Variants in ATP2C1 observed in about 807,000 individuals in gnomAD.
ATP2C1 encodes the protein ATPase secretory pathway Ca2+ transporting 1.
Under a neutral mutation model 120.5 loss-of-function variants are expected in ATP2C1, and 31 were observed. That is an observed-to-expected ratio of 0.26 (90% CI 0.19 to 0.35). The LOEUF is 0.35. Among genes scored for constraint, ATP2C1 ranks in the 10% least tolerant of loss-of-function variants. The pLI is 1.00. For missense variants in ATP2C1, 731 were observed against 1,107.5 expected (o/e 0.66, Z 4.83); for synonymous variants, 351 against 358.7 (o/e 0.98, Z 0.24).
chr3:130,957,733 A>G (rs1234359482), intron 11 of ATP2C1, among the ~76,000 whole-genome samples: 2 of 151,862 alleles, frequency 1.3e-5, no homozygotes, highest in Admixed American at 1.3e-4. Flanking sequence ...TTGTATTTTT[A>G]ATAGGGACGG....
chr3:131,013,003 C>T lies in ATP2C1; in HGVS notation c.2630-3149C>T, dbSNP rs754367747. ...CTTTAAAGCTACCTTTAGGGCTATT[C>T]CTGATGGAATATACCAGTGGGAGAG... is the stretch of plus-strand genomic sequence containing the variant. On this transcript the variant is annotated intron_variant, in intron 26 of 26. Coordinates refer to the ATP2C1 transcript ENST00000328560. 3.4e-4 allele frequency among the ~76,000 whole-genome samples: 52 copies of T among 152,248 alleles called. No homozygotes were observed. In the Middle Eastern group the frequency reaches 0.014, roughly 40 times the overall value.
intron 2 of ATP2C1, among the ~76,000 whole-genome samples, chr3:130,900,688 G>A (rs900674181): frequency 1.3e-5 from 2 of 152,258 alleles, no homozygotes; most frequent in Non-Finnish European, 2.9e-5. Flanking sequence ...GTGTCCTGAA[G>A]TTAAAAAGAA....
chr3:130,913,710 A>T (rs954797151), intron 2 of ATP2C1, among the ~76,000 whole-genome samples: 1 of 152,204 alleles, frequency 6.6e-6, no homozygotes, highest in African/African-American at 2.4e-5. Context: ...CTGTATTCTT[A>T]GATCTTAAAT....
intron 1 of ATP2C1, among the ~76,000 whole-genome samples, chr3:130,875,881 G>A (rs911710503): frequency 1.2e-4 from 17 of 146,532 alleles, no homozygotes; most frequent in African/African-American, 4.2e-4. Context: ...GTGATGTCGA[G>A]TGTTTTTTTT....
chr3:131,016,380 A>G (rs201674974), exon 27 of ATP2C1: 3 of 1,601,652 alleles, frequency 1.9e-6, no homozygotes, highest in Middle Eastern at 1.7e-4. Flanking sequence ...TTCTAAAAGC[A>G]CTGTAACAGC....
At chr3:130,914,068 C>G (rs544172045) in intron 2 of ATP2C1, among the ~76,000 whole-genome samples, 1 of 152,204 alleles carries the variant, frequency 6.6e-6, no homozygotes, top group Non-Finnish European at 1.5e-5. Context: ...CCTCCTCCTC[C>G]TCCTTAGTAC....
chr3:130,965,561 T>C (rs1418886374), intron 14 of ATP2C1, among the ~76,000 whole-genome samples: 1 of 152,122 alleles, frequency 6.6e-6, no homozygotes, highest in Non-Finnish European at 1.5e-5. Context: ...ACATGTTCTG[T>C]CCCTTATTTT....
chr3:130,932,221 C>T, intron 4 of ATP2C1, 83 bp downstream of exon 4: 2 of 895,544 alleles, frequency 2.2e-6, no homozygotes. Context: ...TTTTGTGATA[C>T]TGTTTATGGA....
chr3:130,952,138 T>C (rs2060396592), intron 8 of ATP2C1, among the ~76,000 whole-genome samples: 1 of 152,172 alleles, frequency 6.6e-6, no homozygotes. Context: ...TCTTCTAAAA[T>C]GTGGCTCTAT....
intron 1 of ATP2C1, among the ~76,000 whole-genome samples, chr3:130,857,171 A>C (rs1044683376): frequency 2.0e-5 from 3 of 152,218 alleles, no homozygotes; most frequent in East Asian, 3.8e-4. Flanking sequence ...CTGAAGGGAG[A>C]AATTTTTTAA....
chr3:130,889,453 A>C (rs1576599602), upstream of ATP2C1, among the ~76,000 whole-genome samples: 1 of 152,122 alleles, frequency 6.6e-6, no homozygotes, highest in East Asian at 1.9e-4. Flanking sequence ...CAAGCACCTC[A>C]ACACTGTTAT....
At chr3:130,895,428 C>T (rs1314806674) in intron 2 of ATP2C1, among the ~76,000 whole-genome samples, 3 of 152,138 alleles carry the variant, frequency 2.0e-5, no homozygotes, top group Non-Finnish European at 4.4e-5. Flanking sequence ...ATCCCTTTGG[C>T]CTCGTTAAAA....
chr3:130,948,711 T>TA (rs2060249385), intron 8 of ATP2C1, among the ~76,000 whole-genome samples: 1 of 152,144 alleles, frequency 6.6e-6, no homozygotes, highest in Admixed American at 6.5e-5. Flanking sequence ...TTTAAAAAAA[T>TA]ATATTAATAG....
rs567192478 is a variant in ATP2C1, at chr3:130,945,800, A to G, written c.531+4101A>G. Among the ~76,000 whole-genome samples the G allele has an allele frequency of 2.6e-5, 4 of 152,036 alleles. No homozygotes were observed. In the South Asian group the frequency reaches 6.2e-4, roughly 24 times the overall value. On this transcript the variant is annotated intron_variant, in intron 8 of 27. Transcript: ENST00000510168. ...TGTTTTGCCTTTGTGAAAACACAGC[A>G]TATTTTTGGTGTTGTTCCAGGTAAA...
chr3:130,911,256 C>G (rs1265959197), intron 2 of ATP2C1, among the ~76,000 whole-genome samples: 1 of 145,648 alleles, frequency 6.9e-6, no homozygotes, highest in Non-Finnish European at 1.5e-5. Context: ...GTAGTATTCT[C>G]TGATGGTAGT....
In ATP2C1 at chr3:131,002,287, T is replaced by C. The variant is rs992085897; in HGVS notation, c.*937T>C. 1 of 976,778 alleles carries C rather than the reference T, an allele frequency of 1.0e-6. No individual in the cohort carries two copies. Among genetic ancestry groups the C allele is most frequent in the African/African-American group, 1.8e-5 (1 of 57,046 alleles). 60.5% of individuals were successfully genotyped at this position (976,778 alleles called of 1,614,324 possible). On this transcript the variant is annotated 3_prime_UTR_variant, in exon 28 of 28. Transcript: ENST00000510168. The stretch of plus-strand genomic sequence containing the variant: ...TTCTATTTTATTATTTTTACTGTTA[T>C]GTATGTTTTTAATCATATTTCTTAG...
At chr3:130,917,959 C>T (rs1029212778) in intron 2 of ATP2C1, among the ~76,000 whole-genome samples, 12 of 151,078 alleles carry the variant, frequency 7.9e-5, no homozygotes, top group African/African-American at 2.4e-4. Context: ...CCATGTTGTG[C>T]CATTTTGTAG....
At chr3:131,014,370 A>T (rs2063485678) in intron 26 of ATP2C1, 7 of 1,601,218 alleles carry the variant, frequency 4.4e-6, no homozygotes, top group Non-Finnish European at 6.0e-6. Context: ...TCCGTGCACC[A>T]GGCTTCCACT....
At chr3:130,862,393 G>A (rs922623935) in intron 1 of ATP2C1, among the ~76,000 whole-genome samples, 3 of 150,512 alleles carry the variant, frequency 2.0e-5, no homozygotes, top group Non-Finnish European at 4.4e-5. Context: ...GTTGGCCAGC[G>A]TGGTCCCGAA....
Sources: allele counts gnomAD v4.1 joint callset (sites outside exome capture counted in the v4.1 genomes callset), GRCh38; gene constraint gnomAD v4.1.1; transcripts MANE v1.5; gene names NCBI Gene and HGNC (gene_info 2026-07-23, HGNC 2026-07-21).